NUSAP1: variants seen among roughly 807,000 people sequenced by gnomAD.
The protein encoded by NUSAP1 is nucleolar and spindle associated protein 1.
NUSAP1 carries 32 observed loss-of-function variants against 52.8 expected under a neutral mutation model. The observed-to-expected ratio is 0.61, with a 90% CI of 0.46 to 0.81. The LOEUF is 0.81. NUSAP1 is among the 40% of genes least tolerant of loss of function. The pLI is 0.00. For missense variants in NUSAP1, 499 were observed against 522.3 expected, an observed-to-expected ratio of 0.96 and a Z score of 0.43; for synonymous variants, 195 against 183.1, an observed-to-expected ratio of 1.06 and a Z score of -0.52.
intron 10 of NUSAP1, among the ~76,000 whole-genome samples, chr15:41,377,989 CAAAA>C (rs991678349): frequency 7.8e-6 from 1 of 128,444 alleles, no homozygotes. Context: ...GACTCCGTCT[CAAAA>C]AAAAAAAAAA....
In NUSAP1 at chr15:41,342,374, T is replaced by A. The variant is rs1251051739; in HGVS notation, c.94-12T>A. ...TTGACTTTTGGCTCTAATAATAAGG[T>A]CTCTCTTGCAGGCAACCAAGTTGTT... On this transcript the variant is annotated splice_polypyrimidine_tract_variant and intron_variant, in intron 1 of 10. Transcript: ENST00000559596. 1 of 1,558,750 alleles carries A rather than the reference T, an allele frequency of 6.4e-7. No homozygotes were observed. The highest frequency in any genetic ancestry group is 1.2e-5 in the South Asian group (1 of 85,254).
intron 1 of NUSAP1, among the ~76,000 whole-genome samples, chr15:41,337,576 A>G (rs1011265031): frequency 6.6e-6 from 1 of 152,146 alleles, no homozygotes; most frequent in Non-Finnish European, 1.5e-5. Context: ...TCCTGATCCC[A>G]TGTCCTCATT....
At chr15:41,373,267 G>C (rs547084114) in intron 8 of NUSAP1, among the ~76,000 whole-genome samples, 10 of 151,656 alleles carry the variant, frequency 6.6e-5, no homozygotes, top group African/African-American at 2.4e-4. Context: ...GGTGGCACGC[G>C]CCTGTAATCC....
rs1287524436 is a variant in NUSAP1, at chr15:41,364,540, C to T, written c.661-862C>T. On this transcript the variant is annotated intron_variant, in intron 6 of 10. Coordinates refer to ENST00000559596, the MANE Select transcript of NUSAP1 (RefSeq NM_016359.5). ...CAGCCCAGGTGAAAGAAAGAGACCC[C>T]GTCTCATTTAAAAAAAAAGAAAGAA... Among the ~76,000 whole-genome samples, 12 of 151,378 alleles carry T rather than the reference C, an allele frequency of 7.9e-5. No homozygotes were observed. The South Asian group carries it at 2.3e-3, about 29-fold the overall frequency.
chr15:41,365,653 AT>A (rs752938881), intron 7 of NUSAP1, 64 bp downstream of exon 7: 39 of 1,255,616 alleles, frequency 3.1e-5, no homozygotes, highest in Middle Eastern at 3.9e-4. Flanking sequence ...TAAAAAAAAA[AT>A]TTTTAATTGG....
At chr15:41,372,713 G>C (rs576586467) in intron 8 of NUSAP1, among the ~76,000 whole-genome samples, 2 of 152,064 alleles carry the variant, frequency 1.3e-5, no homozygotes, top group Non-Finnish European at 2.9e-5. Flanking sequence ...TTTTAACTAA[G>C]TGGTCTTAGA....
intron 10 of NUSAP1, among the ~76,000 whole-genome samples, chr15:41,377,814 ACG>A (rs1466723720): frequency 4.6e-5 from 7 of 150,812 alleles, no homozygotes; most frequent in South Asian, 4.2e-4. Flanking sequence ...ATCCTGGCTA[ACG>A]CATTGAAACC....
intron 6 of NUSAP1, among the ~76,000 whole-genome samples, chr15:41,360,887 C>T (rs540493672): frequency 6.6e-6 from 1 of 151,512 alleles, no homozygotes; most frequent in African/African-American, 2.4e-5. Flanking sequence ...CTGCACCTCC[C>T]GGGTTCGACA....
intron 8 of NUSAP1, among the ~76,000 whole-genome samples, chr15:41,372,266 C>T (rs977170764): frequency 1.3e-5 from 2 of 152,092 alleles, no homozygotes; most frequent in East Asian, 1.9e-4. Context: ...CTCAGGGATT[C>T]GGAGGATGAG....
intron 2 of NUSAP1, among the ~76,000 whole-genome samples, chr15:41,343,681 G>A (rs1351402178): frequency 6.6e-6 from 1 of 151,350 alleles, no homozygotes; most frequent in Non-Finnish European, 1.5e-5. Flanking sequence ...AGTAGAGATG[G>A]GGTTTCACCA....
At chr15:41,345,239 G>C (rs2048520528) in intron 2 of NUSAP1, among the ~76,000 whole-genome samples, 1 of 151,806 alleles carries the variant, frequency 6.6e-6, no homozygotes, top group Non-Finnish European at 1.5e-5. Context: ...GGCTCAAGTA[G>C]TTTGCCTACC....
At chr15:41,362,412 T>A (rs1233015900) in intron 6 of NUSAP1, among the ~76,000 whole-genome samples, 1 of 146,412 alleles carries the variant, frequency 6.8e-6, no homozygotes, top group Non-Finnish European at 1.5e-5. Context: ...ACTTTTCTAT[T>A]GTTTATCTTT....
chr15:41,343,332 T>A (rs891360938), intron 2 of NUSAP1: 1 of 152,160 alleles, frequency 6.6e-6, no homozygotes, highest in Non-Finnish European at 1.5e-5. Context: ...GAGTGCCCCA[T>A]TAGAGCCAAG....
At chr15:41,364,950 C>A (rs148127062) in intron 6 of NUSAP1, among the ~76,000 whole-genome samples, 3 of 152,070 alleles carry the variant, frequency 2.0e-5, no homozygotes, top group Admixed American at 1.3e-4. Context: ...TCAGCCTCAA[C>A]TGGAAATTGC....
chr15:41,351,512 A>T (rs1464964157), intron 4 of NUSAP1, among the ~76,000 whole-genome samples: 1 of 152,226 alleles, frequency 6.6e-6, no homozygotes, highest in Non-Finnish European at 1.5e-5. Context: ...TAGGCCAAGC[A>T]TAGTGGCTGG....
chr15:41,371,634 C>T lies in NUSAP1; in HGVS notation c.956C>T (p.Ala319Val). 3 of 1,609,156 alleles carry T rather than the reference C, an allele frequency of 1.9e-6. No individual in the cohort carries two copies. The South Asian group carries it at 3.3e-5, about 18-fold the overall frequency. Residue 319 changes from alanine (A) to valine (V), a missense_variant, in exon 8 of 11, where the codon GCT becomes GTT. Coordinates refer to ENST00000559596, the MANE Select transcript of NUSAP1 (RefSeq NM_016359.5). ...TCTGGGGGCACCCCAAAAGGCGAGGCTGTGCTTGGGACACACAAATTAAAG... is the reference window on the plus strand; with the variant it reads ...TCTGGGGGCACCCCAAAAGGCGAGGTTGTGCTTGGGACACACAAATTAAAG... ...TVSGGTPKGE[A>V]VLGTHKLKTI...
At chr15:41,337,119 C>T (rs2140506964) in intron 1 of NUSAP1, among the ~76,000 whole-genome samples, 2 of 149,238 alleles carry the variant, frequency 1.3e-5, no homozygotes, top group Admixed American at 1.4e-4. Flanking sequence ...CGGGCTCAAG[C>T]AATCCTCCCA....
chr15:41,343,136 C>T (rs2048425396), intron 2 of NUSAP1: 1 of 152,154 alleles, frequency 6.6e-6, no homozygotes, highest in Admixed American at 6.6e-5. Flanking sequence ...ACTCAAACTC[C>T]TCTTCTTTAA....
intron 3 of NUSAP1, 42 bp from the exon 4 acceptor site, chr15:41,350,946 T>C (rs1477774045): frequency 1.3e-6 from 2 of 1,540,304 alleles, no homozygotes; most frequent in African/African-American, 1.4e-5. Context: ...CAGCAATTCT[T>C]ATTTATCATC....
Sources: allele counts gnomAD v4.1 joint callset (sites outside exome capture counted in the v4.1 genomes callset), GRCh38; gene constraint gnomAD v4.1.1; transcripts MANE v1.5; gene names NCBI Gene and HGNC (gene_info 2026-07-23, HGNC 2026-07-21).